TTC16: variants seen among roughly 807,000 people sequenced by gnomAD.
TTC16 encodes the protein tetratricopeptide repeat domain 16.
TTC16 carries 66 observed loss-of-function variants against 80.4 expected under a neutral mutation model. The ratio of observed to expected loss-of-function variants is 0.82; its 90% confidence interval spans 0.67 to 1.01. TTC16 has a LOEUF of 1.01. Among genes scored for constraint, TTC16 ranks in the 50% least tolerant of loss-of-function variants. The probability of loss-of-function intolerance (pLI) is 0.00; values close to 1 mark genes in which losing one functional copy is unlikely to be tolerated. For missense variants in TTC16, 1,070 were observed against 1,103.2 expected (o/e 0.97, Z 0.43); for synonymous variants, 438 against 451.3 (o/e 0.97, Z 0.37).
chr9:127,724,850 C>A lies in TTC16; in HGVS notation c.1212C>A (p.Arg404=). Residue 404 remains arginine, a synonymous_variant, in exon 9 of 14, where the codon CGC becomes CGA. Coordinates refer to ENST00000373289, the MANE Select transcript of TTC16 (RefSeq NM_144965.3). The part of the protein sequence containing the change: ...LSPQDEGANT[R]MGLLQEKMGF... ...CTCAGGACGAGGGCGCCAACACGCG[C>A]ATGGGCCTGCTGCAGGAGAAGATGG... The A allele has an allele frequency of 6.3e-7, 1 of 1,591,234 alleles. No homozygotes were observed. The highest frequency in any genetic ancestry group is 8.5e-7 in the Non-Finnish European group (1 of 1,170,248).
intron 6 of TTC16, among the ~76,000 whole-genome samples, chr9:127,721,959 G>T (rs1843548367): frequency 6.6e-6 from 1 of 152,290 alleles, no homozygotes; most frequent in Admixed American, 6.5e-5. Flanking sequence ...ACTGCGCCCG[G>T]CTGAGACTAG....
At chr9:127,717,309 C>T (rs1843113179) in intron 2 of TTC16, 25 bp from the exon 3 acceptor site, 3 of 1,603,600 alleles carry the variant, frequency 1.9e-6, no homozygotes, top group Admixed American at 3.3e-5. Flanking sequence ...GGCCACCCCT[C>T]TGCCTGTCCC....
intron 12 of TTC16, chr9:127,727,748 T>C: frequency 5.1e-6 from 2 of 389,926 alleles, no homozygotes; most frequent in Non-Finnish European, 8.1e-6. Flanking sequence ...ACTAGCCACT[T>C]GCCACTTGTG....
chr9:127,720,087 C>G lies in TTC16; in HGVS notation c.436C>G (p.Leu146Val), dbSNP rs959857315. 2 of 1,613,848 alleles carry G rather than the reference C, an allele frequency of 1.2e-6. No individual in the cohort carries two copies. The highest frequency in any genetic ancestry group is 1.7e-6 in the Non-Finnish European group (2 of 1,179,988). Reference protein sequence around the residue: ...TFVLYLQGQCLFEQCAFLDAL... With the variant: ...TFVLYLQGQCVFEQCAFLDAL... Reference sequence around the variant, plus strand: ...TCCCCTGTGTCCCCAGGGACAATGCCTTTTTGAGCAGTGTGCCTTCCTGGA... The same window carrying G: ...TCCCCTGTGTCCCCAGGGACAATGCGTTTTTGAGCAGTGTGCCTTCCTGGA... The change falls in exon 5 of 14, where the codon CTT (leucine) becomes GTT (valine). Residue 146 changes from leucine (L) to valine (V), a missense_variant. Leu to Val is a conservative substitution (Grantham distance 32). Transcript: ENST00000373289.
chr9:127,720,404 G>A lies in TTC16; in HGVS notation c.657+9G>A, dbSNP rs760036538. 39 of 1,611,844 alleles carry A rather than the reference G, an allele frequency of 2.4e-5. No homozygotes were observed. Among genetic ancestry groups the A allele is most frequent in the Non-Finnish European group, 3.0e-5 (35 of 1,179,502 alleles). On this transcript the variant is annotated intron_variant, in intron 6 of 13. Coordinates refer to ENST00000373289, the MANE Select transcript of TTC16 (RefSeq NM_144965.3). The stretch of plus-strand genomic sequence containing the variant: ...ACAACTTTCTCCAGAAGGTACAGTG[G>A]GGAGGGCGGGCAGGGGCATGCCCCC...
intron 9 of TTC16, among the ~76,000 whole-genome samples, chr9:127,725,400 T>A (rs988700360): frequency 7.0e-6 from 1 of 143,812 alleles, no homozygotes; most frequent in Non-Finnish European, 1.5e-5. Context: ...CCGTCTCTAC[T>A]AAAAATACAA....
intron 1 of TTC16, 91 bp from the exon 2 acceptor site, chr9:127,716,753 T>C (rs1843051378): frequency 1.4e-6 from 2 of 1,479,356 alleles, no homozygotes; most frequent in Admixed American, 4.7e-5. Context: ...CATTTCCGCC[T>C]CTCCTCCCTC....
intron 3 of TTC16, 82 bp from the exon 4 acceptor site, chr9:127,717,547 C>T (rs565241220): frequency 6.3e-7 from 1 of 1,583,300 alleles, no homozygotes; most frequent in African/African-American, 1.3e-5. Context: ...GATGTCAACT[C>T]TCAGGGGGGT....
rs771786293 is a variant in TTC16, at chr9:127,724,328, G to T, written c.1081G>T (p.Glu361Ter). Residue 361 changes from glutamate to a stop codon, truncating the protein, a stop_gained, in exon 8 of 14, where the codon GAG becomes TAG. Coordinates refer to ENST00000373289, the MANE Select transcript of TTC16 (RefSeq NM_144965.3). LOFTEE classifies it high-confidence loss of function. ...VLLLNKALRD[E>*]QQEKGLYINR... ...GCTGCTGAACAAGGCCCTCCGGGAC[G>T]AGCAGCAGGAGAAAGGACTCTACAT... The T allele has an allele frequency of 2.5e-6, 4 of 1,612,740 alleles. No homozygotes were observed. Among genetic ancestry groups the T allele is most frequent in the Admixed American group, 1.7e-5 (1 of 60,008 alleles).
In TTC16 at chr9:127,718,177, T is replaced by C. The variant is rs879309528; in HGVS notation, c.426+405T>C. On this transcript the variant is annotated intron_variant, in intron 4 of 13. Transcript: ENST00000373289. The surrounding 1 kb of genome is among the most constrained non-coding windows in gnomAD (Gnocchi z 4.6). ...ATCTCGGCTCACTGCAACCTCTGTC[T>C]CTTGGATTCAAGCAATTCTCCTGCC... 3.3e-5 allele frequency among the ~76,000 whole-genome samples: 5 copies of C among 152,072 alleles called. No homozygotes were observed. The highest frequency in any genetic ancestry group is 5.9e-5 in the Non-Finnish European group (4 of 68,012).
Position 127,724,743 on chromosome 9 carries a change from C to T in TTC16, c.1118-13C>T, listed in dbSNP as rs370369881. 7.2e-5 allele frequency: 116 copies of T among 1,606,048 alleles called. No individual in the cohort carries two copies. Among genetic ancestry groups the T allele is most frequent in the Non-Finnish European group, 9.4e-5 (111 of 1,178,348 alleles). ...GAGTTGGGGGTCCACTCACCCCCGC[C>T]TCCGGACCCTAGATTGCTTCTTCCA... On this transcript the variant is annotated splice_polypyrimidine_tract_variant and intron_variant, in intron 8 of 13. Transcript: ENST00000373289.
intron 3 of TTC16, 52 bp from the exon 4 acceptor site, chr9:127,717,577 C>A: frequency 6.2e-7 from 1 of 1,602,538 alleles, no homozygotes; most frequent in Non-Finnish European, 8.5e-7. Flanking sequence ...CCCCTACCCT[C>A]CAGGGGCAGA....
chr9:127,724,843 A>G lies in TTC16; in HGVS notation c.1205A>G (p.Asn402Ser). 6.3e-7 allele frequency: 1 copy of G among 1,598,232 alleles called. No homozygotes were observed. Among genetic ancestry groups the G allele is most frequent in the Non-Finnish European group, 8.5e-7 (1 of 1,173,552 alleles). ...LALSPQDEGA[N>S]TRMGLLQEKM... is the part of the protein sequence containing the mutation. Reference sequence around the variant, plus strand: ...CTGAGCCCTCAGGACGAGGGCGCCAACACGCGCATGGGCCTGCTGCAGGAG... The same window carrying G: ...CTGAGCCCTCAGGACGAGGGCGCCAGCACGCGCATGGGCCTGCTGCAGGAG... The change falls in exon 9 of 14, where the codon AAC (asparagine) becomes AGC (serine). Residue 402 changes from asparagine to serine, a missense_variant. Physicochemically the swap from Asn to Ser is conservative, Grantham distance 46. Coordinates refer to ENST00000373289, the MANE Select transcript of TTC16 (RefSeq NM_144965.3).
intron 7 of TTC16, among the ~76,000 whole-genome samples, chr9:127,723,632 C>G (rs543164973): frequency 9.4e-4 from 143 of 152,320 alleles, no homozygotes; most frequent in African/African-American, 3.4e-3. Context: ...TGAGTCTGGT[C>G]CCAGGAACTT....
chr9:127,721,887 G>A (rs117040093), intron 6 of TTC16, among the ~76,000 whole-genome samples: 2 of 152,098 alleles, frequency 1.3e-5, no homozygotes, highest in Non-Finnish European at 1.5e-5. Context: ...GAGAGACAAG[G>A]TTTCGCCAGG....
chr9:127,726,368 G>A lies in TTC16; in HGVS notation c.1389G>A (p.Val463=), dbSNP rs1175350336. ...LQNIFGARQD[V]ATVLLLNPKQ... is the part of the protein sequence containing the mutation. ...ACATTTTTGGGGCCCGCCAGGATGTGGCCACTGTCCTGCTCCTCAACCCCA... is the reference window on the plus strand; with the variant it reads ...ACATTTTTGGGGCCCGCCAGGATGTAGCCACTGTCCTGCTCCTCAACCCCA... Residue 463 remains valine (V), a synonymous_variant, in exon 10 of 14, where the codon GTG becomes GTA. Coordinates refer to ENST00000373289, the MANE Select transcript of TTC16 (RefSeq NM_144965.3). 1 of 1,611,462 alleles carries A rather than the reference G, an allele frequency of 6.2e-7. No individual in the cohort carries two copies. Among genetic ancestry groups the A allele is most frequent in the Admixed American group, 1.7e-5 (1 of 59,836 alleles).
At position 127,722,376 on chromosome 9, in the gene TTC16, C is replaced by T. The variant is rs1041875968; in HGVS notation, c.658-743C>T. Among the ~76,000 whole-genome samples the T allele has an allele frequency of 6.6e-6, 1 of 152,142 alleles. No individual in the cohort carries two copies. Among genetic ancestry groups the T allele is most frequent in the Non-Finnish European group, 1.5e-5 (1 of 68,030 alleles). ...GGAAGGGACTTGCTGGGGGAGGTTT[C>T]CACTGTACCCAGGCCCGAATCTGGG... is the stretch of plus-strand genomic sequence containing the variant. On this transcript the variant is annotated intron_variant, in intron 6 of 13. Transcript: ENST00000373289. This position sits in a 1 kb window ranked among gnomAD's most constrained non-coding sequence, Gnocchi z 4.2.
rs779915771 is a variant in TTC16, at chr9:127,720,347, C to T, written c.609C>T (p.Asn203=). The change falls in exon 6 of 14, where the codon AAC becomes AAT. Residue 203 remains asparagine (N), a synonymous_variant. Coordinates refer to ENST00000373289, the MANE Select transcript of TTC16 (RefSeq NM_144965.3). The part of the protein sequence containing the change: ...ITNELKQDTT[N]ADVYIFRARL... The stretch of plus-strand genomic sequence containing the variant: ...ACGAGCTGAAGCAGGACACCACCAA[C>T]GCCGATGTCTACATCTTCCGGGCCA... 7.4e-6 allele frequency: 12 copies of T among 1,613,322 alleles called. No individual in the cohort carries two copies. The highest frequency in any genetic ancestry group is 6.6e-5 in the South Asian group (6 of 91,094).
chr9:127,717,267 C>T (rs748042805), intron 2 of TTC16, 67 bp from the exon 3 acceptor site: 1 of 1,520,028 alleles, frequency 6.6e-7, no homozygotes, highest in African/African-American at 1.4e-5. Flanking sequence ...ACCCCCACCC[C>T]AGCCCTATGC....
Sources: gnomAD v4.1 joint callset for allele counts (sites outside exome capture counted in the v4.1 genomes callset) on GRCh38, gnomAD v4.1.1 for gene constraint, Gnocchi (gnomAD v3.1) non-coding constraint, MANE v1.5 for transcripts, NCBI Gene and HGNC (gene_info 2026-07-23, HGNC 2026-07-21) for gene names.